Variants in GPCPD1 observed in about 807,000 individuals in gnomAD.
The protein encoded by GPCPD1 is glycerophosphocholine phosphodiesterase 1.
Under a neutral mutation model 89.2 loss-of-function variants are expected in GPCPD1, and 29 were observed. That is an observed-to-expected ratio of 0.33 (90% CI 0.24 to 0.44). GPCPD1 has a LOEUF of 0.44. Ranked by LOEUF, GPCPD1 falls within the 20% of genes least tolerant of loss-of-function variation. The pLI is 1.00. For synonymous variants in GPCPD1, 258 were observed against 266.3 expected, an observed-to-expected ratio of 0.97 and a Z score of 0.30; for missense variants, 594 against 808.9, an observed-to-expected ratio of 0.73 and a Z score of 3.22.
intron 11 of GPCPD1, among the ~76,000 whole-genome samples, chr20:5,572,893 A>T (rs1986802544): frequency 6.6e-6 from 1 of 151,912 alleles, no homozygotes; most frequent in African/African-American, 2.4e-5. Flanking sequence ...TTTAAAAGAG[A>T]TAGAGTCCAA....
rs1980388558 is a variant in GPCPD1 at position 5,604,251 on chromosome 20, T to C, written c.49+113A>G. ...TGCTGTCAGGCAAGACCTATAGATA[T>C]TTTCATCTAAAAAATCAGGCCCACT... On this transcript the variant is annotated intron_variant, in intron 2 of 19. Transcript: ENST00000379019. The C allele has an allele frequency of 2.3e-5, 15 of 662,590 alleles. No homozygotes were observed. The South Asian group carries it at 2.6e-4, about 11-fold the overall frequency. The allele number at this position is 662,590 out of a possible 1,614,324, so 41.0% of individuals were successfully genotyped here. A position where few individuals can be genotyped will look rare whatever the true frequency, so the allele number is the denominator to read the frequency against.
intron 4 of GPCPD1, among the ~76,000 whole-genome samples, chr20:5,592,630 T>C (rs1979410030): frequency 9.2e-5 from 14 of 152,200 alleles, no homozygotes; most frequent in Admixed American, 9.2e-4. Flanking sequence ...GACCCCTGCC[T>C]AAACCCTTGT....
At chr20:5,564,025 A>G (rs1163453479) in intron 15 of GPCPD1, among the ~76,000 whole-genome samples, 1 of 152,142 alleles carries the variant, frequency 6.6e-6, no homozygotes. Flanking sequence ...AATCTACTAT[A>G]CCTGACACGA....
chr20:5,590,171 T>A (rs1191097903), intron 4 of GPCPD1, among the ~76,000 whole-genome samples: 1 of 152,182 alleles, frequency 6.6e-6, no homozygotes, highest in South Asian at 2.1e-4. Context: ...TGCTTGCATA[T>A]ATCACAAATT....
At chr20:5,580,229 CTT>C (rs965557745) in intron 6 of GPCPD1, 98 bp from the exon 7 acceptor site, 788 of 487,104 alleles carry the variant, frequency 1.6e-3, no homozygotes, top group South Asian at 2.3e-3. Context: ...TTCACATTCA[CTT>C]TTTTTTTTTA....
At position 5,546,870 on chromosome 20, in the gene GPCPD1, A is replaced by C. The variant is rs754338527; in HGVS notation, c.*791T>G. The C allele has an allele frequency of 1.3e-5, 2 of 152,646 alleles. No homozygotes were observed. Among genetic ancestry groups the C allele is most frequent in the Non-Finnish European group, 2.9e-5 (2 of 68,040 alleles). 9.5% of individuals were successfully genotyped at this position (152,646 alleles called of 1,614,324 possible). On this transcript the variant is annotated 3_prime_UTR_variant, in exon 20 of 20. Coordinates refer to ENST00000379019, the MANE Select transcript of GPCPD1 (RefSeq NM_019593.5). ...AGCACCACAGATGCAAGGACCTAAC[A>C]GTAAACATGTACAATCTCATGCTTA...
chr20:5,555,599 G>A (rs1457913905), intron 19 of GPCPD1, among the ~76,000 whole-genome samples: 2 of 152,164 alleles, frequency 1.3e-5, no homozygotes, highest in Non-Finnish European at 2.9e-5. Flanking sequence ...GCTCACACCT[G>A]TAATCCCACA....
At chr20:5,606,154 G>C (rs917190816) in intron 1 of GPCPD1, among the ~76,000 whole-genome samples, 1 of 151,976 alleles carries the variant, frequency 6.6e-6, no homozygotes, top group East Asian at 1.9e-4. Context: ...GTACCTAAAG[G>C]AATATAAAAA....
intron 3 of GPCPD1, among the ~76,000 whole-genome samples, chr20:5,596,600 T>C (rs1365538275): frequency 6.6e-6 from 1 of 152,058 alleles, no homozygotes; most frequent in Non-Finnish European, 1.5e-5. Flanking sequence ...TCTTCAGCAG[T>C]ATTAGGAAAC....
intron 6 of GPCPD1, among the ~76,000 whole-genome samples, chr20:5,582,159 C>T (rs911208750): frequency 2.5e-5 from 3 of 117,760 alleles, no homozygotes; most frequent in African/African-American, 1.0e-4. Flanking sequence ...GCACTCCAGC[C>T]TGGGCGACAG....
At chr20:5,575,127 G>A (rs559344110) in intron 10 of GPCPD1, among the ~76,000 whole-genome samples, 26 of 152,278 alleles carry the variant, frequency 1.7e-4, no homozygotes, top group Admixed American at 9.2e-4. Context: ...CACGTCAAAA[G>A]TAAGGACCAT....
intron 2 of GPCPD1, among the ~76,000 whole-genome samples, chr20:5,600,478 C>A (rs1331159200): frequency 6.6e-6 from 1 of 152,122 alleles, no homozygotes; most frequent in African/African-American, 2.4e-5. Flanking sequence ...CACTTGAGGT[C>A]AGGAGTTCAA....
At chr20:5,549,425 C>T in intron 19 of GPCPD1, 1 of 1,208,938 alleles carries the variant, frequency 8.3e-7, no homozygotes, top group Non-Finnish European at 1.2e-6. Flanking sequence ...TTATCAGTCC[C>T]ATGCAGACAC....
chr20:5,565,183 T>A (rs1313447379), intron 14 of GPCPD1, 105 bp from the exon 15 acceptor site: 4 of 682,896 alleles, frequency 5.9e-6, no homozygotes, highest in South Asian at 1.6e-5. Flanking sequence ...AGAGAGAGAG[T>A]GTGTGTGTGA....
chr20:5,590,851 A>C (rs1979281458), intron 4 of GPCPD1, among the ~76,000 whole-genome samples: 1 of 152,224 alleles, frequency 6.6e-6, no homozygotes, highest in African/African-American at 2.4e-5. Flanking sequence ...TTATGAGTGA[A>C]TGTTAGCAGC....
At position 5,549,012 on chromosome 20, in the gene GPCPD1, C is replaced by T. The variant is rs184618401; in HGVS notation, c.1830-1162G>A. 2.2e-3 allele frequency: 1,554 copies of T among 703,414 alleles called. 3 individuals carry two copies. Among genetic ancestry groups the T allele is most frequent in the Non-Finnish European group, 2.8e-3 (1,160 of 414,978 alleles). The allele number at this position is 703,414 out of a possible 1,614,324, so 43.6% of individuals were successfully genotyped here. A position where few individuals can be genotyped will look rare whatever the true frequency, so the allele number is the denominator to read the frequency against. On this transcript the variant is annotated intron_variant, in intron 19 of 19. Transcript: ENST00000379019. ...AGCAAAACTTGACAAGCAAACCTGC[C>T]GCTGATCTCTAAGTTTGATCCTGTT... is the stretch of plus-strand genomic sequence containing the variant.
intron 4 of GPCPD1, among the ~76,000 whole-genome samples, chr20:5,591,419 T>C (rs879771098): frequency 1.2e-4 from 19 of 152,226 alleles, no homozygotes; most frequent in Admixed American, 2.6e-4. Context: ...ATGAGGAGGC[T>C]AAAGCCTAAA....
intron 4 of GPCPD1, among the ~76,000 whole-genome samples, chr20:5,592,518 G>GT (rs1176865327): frequency 6.6e-6 from 1 of 152,126 alleles, no homozygotes; most frequent in Non-Finnish European, 1.5e-5. Flanking sequence ...AGAGCACGAG[G>GT]TAACAGTGGC....
At chr20:5,560,461 C>T (rs1284676460) in intron 16 of GPCPD1, among the ~76,000 whole-genome samples, 2 of 152,172 alleles carry the variant, frequency 1.3e-5, no homozygotes, top group South Asian at 2.1e-4. Context: ...AATGTCCCTA[C>T]TAATTATTAA....
Sources: allele counts gnomAD v4.1 joint callset (sites outside exome capture counted in the v4.1 genomes callset), GRCh38; gene constraint gnomAD v4.1.1; transcripts MANE v1.5; gene names NCBI Gene and HGNC (gene_info 2026-07-23, HGNC 2026-07-21).